Variants in FOXN3 observed in about 807,000 individuals in gnomAD.
FOXN3 encodes forkhead box N3, also known as forkhead box protein N3.
FOXN3 carries 7 observed loss-of-function variants against 38.4 expected under a neutral mutation model. That is an observed-to-expected ratio of 0.18 (90% confidence interval 0.10 to 0.34). The LOEUF (loss-of-function observed/expected upper bound fraction) is 0.34, where lower values mean the gene tolerates loss of function less well. Among genes scored for constraint, FOXN3 ranks in the 10% least tolerant of loss-of-function variants. The pLI is 1.00. For missense variants in FOXN3, 456 were observed against 613.4 expected, an observed-to-expected ratio of 0.74 and a Z score of 2.71; for synonymous variants, 230 against 242.2, an observed-to-expected ratio of 0.95 and a Z score of 0.47.
chr14:89,198,599 C>T (rs1182848333), intron 4 of FOXN3, among the ~76,000 whole-genome samples: 1 of 152,230 alleles, frequency 6.6e-6, no homozygotes, highest in African/African-American at 2.4e-5. Context: ...CAATTTTGCA[C>T]TTCTTTCCCC....
At chr14:89,413,976 G>A (rs115680622) in intron 1 of FOXN3, among the ~76,000 whole-genome samples, 2,098 of 149,030 alleles carry the variant, frequency 0.014, 41 homozygotes, top group African/African-American at 0.05. Flanking sequence ...GGAGGAGGAG[G>A]AGGAGGAGGA....
intron 1 of FOXN3, among the ~76,000 whole-genome samples, chr14:89,428,594 A>G (rs1892092378): frequency 6.6e-6 from 1 of 152,228 alleles, no homozygotes; most frequent in Non-Finnish European, 1.5e-5. Context: ...TTAAGTTGGC[A>G]TTGCTTCCAG....
intron 3 of FOXN3, among the ~76,000 whole-genome samples, chr14:89,312,353 G>A (rs1453289693): frequency 2.7e-5 from 4 of 148,802 alleles, no homozygotes; most frequent in Non-Finnish European, 5.9e-5. Flanking sequence ...GAATACAGCT[G>A]GCCAATCCAC....
At chr14:89,502,713 T>C (rs1893828147) in intron 1 of FOXN3, among the ~76,000 whole-genome samples, 1 of 152,142 alleles carries the variant, frequency 6.6e-6, no homozygotes, top group Admixed American at 6.5e-5. Context: ...TGTATTTTAA[T>C]AAGTGTCGGG....
chr14:89,445,786 GT>G (rs1160353933), intron 1 of FOXN3, among the ~76,000 whole-genome samples: 3 of 152,194 alleles, frequency 2.0e-5, no homozygotes, highest in African/African-American at 7.2e-5. Flanking sequence ...CTCACCACAA[GT>G]TTAAGGAAGA....
intron 1 of FOXN3, among the ~76,000 whole-genome samples, chr14:89,545,747 G>A (rs1382686499): frequency 1.3e-5 from 2 of 152,068 alleles, no homozygotes; most frequent in Non-Finnish European, 2.9e-5. Flanking sequence ...GTATCCTCAG[G>A]AGCTTGTGAA....
In FOXN3 at chr14:89,471,597, T is replaced by A. The variant is rs965596371; in HGVS notation, c.-14-59107A>T. On this transcript the variant is annotated intron_variant, in intron 1 of 6. Transcript: ENST00000345097. ...GGACCTTGTCTCAAAAAAAAGACTT[T>A]AAAAAAAATTATCTTGCTTCAGTTG... 6.6e-5 allele frequency among the ~76,000 whole-genome samples: 10 copies of A among 151,764 alleles called. 1 individual carries two copies. Among genetic ancestry groups the A allele is most frequent in the South Asian group, 2.1e-4 (1 of 4,806 alleles).
chr14:89,481,826 G>C (rs561960610), intron 1 of FOXN3, among the ~76,000 whole-genome samples: 1 of 152,212 alleles, frequency 6.6e-6, no homozygotes, highest in African/African-American at 2.4e-5. Context: ...TAATCTTAAA[G>C]GATGACCAGT....
At chr14:89,552,082 A>T (rs1895015553) in intron 1 of FOXN3, among the ~76,000 whole-genome samples, 1 of 152,212 alleles carries the variant, frequency 6.6e-6, no homozygotes, top group South Asian at 2.1e-4. Flanking sequence ...AGGAAAACAG[A>T]AGGAAATCTG....
At chr14:89,613,764 T>C (rs1223125136) in intron 1 of FOXN3, among the ~76,000 whole-genome samples, 1 of 152,220 alleles carries the variant, frequency 6.6e-6, no homozygotes, top group Non-Finnish European at 1.5e-5. Context: ...CAGAGGGGTC[T>C]GTCCTTTCTA....
At chr14:89,360,002 C>A (rs1441014386) in intron 2 of FOXN3, among the ~76,000 whole-genome samples, 1 of 152,182 alleles carries the variant, frequency 6.6e-6, no homozygotes, top group Non-Finnish European at 1.5e-5. Context: ...AGTTGGTACT[C>A]CTCATCAAGC....
intron 4 of FOXN3, 79 bp from the exon 5 acceptor site, chr14:89,180,885 T>C: frequency 1.1e-6 from 1 of 904,440 alleles, no homozygotes; most frequent in Non-Finnish European, 1.6e-6. Context: ...AAATTCTGGA[T>C]AGACCAATAA....
intron 1 of FOXN3, among the ~76,000 whole-genome samples, chr14:89,426,019 G>T (rs1232018065): frequency 6.6e-6 from 1 of 152,000 alleles, no homozygotes; most frequent in Admixed American, 6.6e-5. Flanking sequence ...TTTCAGCAGT[G>T]CTTGGGCTCC....
intron 1 of FOXN3, among the ~76,000 whole-genome samples, chr14:89,607,691 T>C (rs891583904): frequency 3.3e-5 from 5 of 152,030 alleles, no homozygotes; most frequent in Admixed American, 2.6e-4. Context: ...GCAAACTGGA[T>C]CACTTATTGG....
At chr14:89,235,859 C>T (rs1430111387) in intron 4 of FOXN3, among the ~76,000 whole-genome samples, 1 of 134,094 alleles carries the variant, frequency 7.5e-6, no homozygotes, top group African/African-American at 4.1e-5. Flanking sequence ...TATTTTAGCC[C>T]CCCAAGACTG....
At chr14:89,211,108 T>G (rs188699457) in intron 4 of FOXN3, among the ~76,000 whole-genome samples, 4 of 152,340 alleles carry the variant, frequency 2.6e-5, no homozygotes, top group Admixed American at 6.5e-5. Context: ...TTTCATTACC[T>G]TTCAACTAGA....
intron 3 of FOXN3, among the ~76,000 whole-genome samples, chr14:89,348,883 G>A (rs947695592): frequency 1.3e-5 from 2 of 151,966 alleles, no homozygotes; most frequent in African/African-American, 2.4e-5. Context: ...ATAATCCTTC[G>A]AATTATTAAA....
chr14:89,475,804 A>G (rs937714442), intron 1 of FOXN3, among the ~76,000 whole-genome samples: 1 of 152,250 alleles, frequency 6.6e-6, no homozygotes, highest in African/African-American at 2.4e-5. Flanking sequence ...GGGATAATGA[A>G]GAATCATATA....
intron 1 of FOXN3, among the ~76,000 whole-genome samples, chr14:89,423,971 A>G (rs1490802143): frequency 2.0e-5 from 3 of 152,238 alleles, no homozygotes; most frequent in Non-Finnish European, 4.4e-5. Context: ...ACTCCAGCCT[A>G]TTAGATTCAG....
Sources: gnomAD v4.1 joint callset for allele counts (sites outside exome capture counted in the v4.1 genomes callset) on GRCh38, gnomAD v4.1.1 for gene constraint, MANE v1.5 for transcripts, NCBI Gene and HGNC (gene_info 2026-07-23, HGNC 2026-07-21) for gene names.